Variants in HELB observed in about 807,000 individuals in gnomAD.
HELB encodes the protein DNA helicase B.
A neutral mutation model predicts 101.7 loss-of-function variants in HELB; 96 were observed. That is an observed-to-expected ratio of 0.94 (90% CI 0.80 to 1.12). The LOEUF is 1.12. Among genes scored for constraint, HELB ranks in the 50% most tolerant of loss-of-function variants. The pLI, the probability that HELB is intolerant of heterozygous loss-of-function variation, is 0.00. For missense variants in HELB, 1,210 were observed against 1,291.9 expected (o/e 0.94, Z 0.97); for synonymous variants, 437 against 459.7 (o/e 0.95, Z 0.63).
At position 66,323,998 on chromosome 12, in the gene HELB, A is replaced by G; in HGVS notation, c.2313A>G (p.Arg771=). The G allele has an allele frequency of 6.2e-7, 1 of 1,609,032 alleles. No individual in the cohort carries two copies. Among genetic ancestry groups the G allele is most frequent in the South Asian group, 1.1e-5 (1 of 90,976 alleles). The change falls in exon 10 of 13, where the codon AGA becomes AGG. Residue 771 remains arginine (R), a synonymous_variant. Coordinates refer to ENST00000247815, the MANE Select transcript of HELB (RefSeq NM_001370285.1). ...TGHLTKDHQS[R]LVFGIGDKIC... ...TCTATCCCAGAGACCATCAGAGTAG[A>G]CTTGTTTTTGGAATTGGTGATAAAA...
At chr12:66,337,741 G>C (rs933147834) in intron 12 of HELB, among the ~76,000 whole-genome samples, 4 of 152,074 alleles carry the variant, frequency 2.6e-5, no homozygotes, top group Admixed American at 2.6e-4. Flanking sequence ...TACACCTTTA[G>C]AAGTTAGACA....
At chr12:66,328,445 C>T (rs950725527) in intron 11 of HELB, among the ~76,000 whole-genome samples, 1 of 151,964 alleles carries the variant, frequency 6.6e-6, no homozygotes, top group Non-Finnish European at 1.5e-5. Context: ...CACCCATGGT[C>T]CCAGCTACTC....
Position 66,310,000 on chromosome 12 carries a change from C to G in HELB, c.1072C>G (p.His358Asp). Residue 358 changes from histidine (H) to aspartate (D), a missense_variant, in exon 4 of 13, where the codon CAT becomes GAT. By Grantham distance (81) the His-to-Asp change is moderately conservative. Coordinates refer to ENST00000247815, the MANE Select transcript of HELB (RefSeq NM_001370285.1). ...CTGTGTCTTCCCTTATGACCTTTAC[C>G]ATGCTGAAAGAGCCATCGCCTTTTC... is the stretch of plus-strand genomic sequence containing the variant. The part of the protein sequence containing the change: ...KSCVFPYDLY[H>D]AERAIAFSIC... 1 of 1,614,158 alleles carries G rather than the reference C, an allele frequency of 6.2e-7. No individual in the cohort carries two copies. The highest frequency in any genetic ancestry group is 1.1e-5 in the South Asian group (1 of 91,090).
chr12:66,330,848 T>G (rs979373616), intron 11 of HELB, among the ~76,000 whole-genome samples: 1 of 152,016 alleles, frequency 6.6e-6, no homozygotes, highest in African/African-American at 2.4e-5. Flanking sequence ...ACATGAAGCC[T>G]GTACCATCAT....
rs2053531775 is a variant in HELB, at chr12:66,310,559, C to G, written c.1631C>G (p.Ala544Gly). 5 of 1,614,150 alleles carry G rather than the reference C, an allele frequency of 3.1e-6. No homozygotes were observed. Among genetic ancestry groups the G allele is most frequent in the Non-Finnish European group, 4.2e-6 (5 of 1,180,002 alleles). The change falls in exon 4 of 13, where the codon GCT (alanine) becomes GGT (glycine). Residue 544 changes from alanine (A) to glycine (G), a missense_variant. Transcript: ENST00000247815. ...CTCACAGCACCTACAGGGAAAGCAG[C>G]TGGCTTACTAAGACAGAAAACTGGT... The part of the protein sequence containing the change: ...VLLTAPTGKA[A>G]GLLRQKTGLH...
chr12:66,321,663 C>G lies in HELB; in HGVS notation c.2156-285C>G, dbSNP rs2053672076. Reference sequence around the variant, plus strand: ...TTTCTTAAATTCAGTGTTCATAAACCATCAGCAAATACACAGTGAGTCTAT... The same window carrying G: ...TTTCTTAAATTCAGTGTTCATAAACGATCAGCAAATACACAGTGAGTCTAT... On this transcript the variant is annotated intron_variant, in intron 7 of 12. Coordinates refer to ENST00000247815, the MANE Select transcript of HELB (RefSeq NM_001370285.1). The G allele has an allele frequency of 1.3e-5, 4 of 312,908 alleles. No individual in the cohort carries two copies. The South Asian group carries it at 1.3e-4, about 10-fold the overall frequency. The allele number at this position is 312,908 out of a possible 1,614,324, so 19.4% of individuals were successfully genotyped here.
chr12:66,331,754 T>A, intron 12 of HELB, 109 bp downstream of exon 12: 2 of 1,064,686 alleles, frequency 1.9e-6, no homozygotes, highest in Non-Finnish European at 2.7e-6. Flanking sequence ...CTGTTGGACT[T>A]AAAAACAATT....
At chr12:66,323,146 GTGTC>G (rs1565641642) in intron 9 of HELB, among the ~76,000 whole-genome samples, 2 of 152,064 alleles carry the variant, frequency 1.3e-5, no homozygotes, top group South Asian at 2.1e-4. Context: ...AACTTAGTGA[GTGTC>G]TGTCTATCAG....
chr12:66,331,025 CACAT>C, intron 11 of HELB, 125 bp from the exon 12 acceptor site: 1 of 988,316 alleles, frequency 1.0e-6, no homozygotes, highest in Non-Finnish European at 1.5e-6. Context: ...ATAAAATGGA[CACAT>C]AATAATAGTC....
At position 66,306,369 on chromosome 12, in the gene HELB, C is replaced by T. The variant is rs1210705598; in HGVS notation, c.632C>T (p.Ala211Val). ...NTIPFRNVMT[A>V]LQFPKIMEFL... ...GTTCCATTTAGAAATGTAATGACAG[C>T]TTTGCAGTTTCCGAAGATAATGGAA... The change falls in exon 3 of 13, where the codon GCT (alanine) becomes GTT (valine). Residue 211 changes from alanine (A) to valine (V), a missense_variant. Ala to Val is a moderately conservative substitution (Grantham distance 64). Transcript: ENST00000247815. 6.3e-7 allele frequency: 1 copy of T among 1,597,178 alleles called. No individual in the cohort carries two copies. The highest frequency in any genetic ancestry group is 8.5e-7 in the Non-Finnish European group (1 of 1,172,974).
chr12:66,306,438 G>A lies in HELB; in HGVS notation c.701G>A (p.Gly234Glu). Reference protein sequence around the residue: ...LLPRHFKWIIGSGSKEMLKEI... With the variant: ...LLPRHFKWIIESGSKEMLKEI... ...CCTCGACACTTTAAATGGATCATAG[G>A]GTCAGGTTCTAAAGAGATGTTGAAA... The change falls in exon 3 of 13, where the codon GGG becomes GAG. Residue 234 changes from glycine (G) to glutamate (E), a missense_variant. Physicochemically the swap from Gly to Glu is moderately conservative, Grantham distance 98. Coordinates refer to ENST00000247815, the MANE Select transcript of HELB (RefSeq NM_001370285.1). The A allele has an allele frequency of 6.2e-7, 1 of 1,609,750 alleles. No homozygotes were observed. The highest frequency in any genetic ancestry group is 8.5e-7 in the Non-Finnish European group (1 of 1,177,968).
Position 66,302,687 on chromosome 12 carries a change from C to T in HELB, c.84C>T (p.Tyr28=). The T allele has an allele frequency of 1.2e-6, 2 of 1,614,132 alleles. No homozygotes were observed. Among genetic ancestry groups the T allele is most frequent in the Non-Finnish European group, 1.7e-6 (2 of 1,180,006 alleles). ...PRDLVEEDDD[Y]LNDDVEEDEE... The stretch of plus-strand genomic sequence containing the variant: ...ATCTGGTGGAGGAGGACGACGACTA[C>T]CTAAACGACGACGTGGAGGAGGATG... Residue 28 remains tyrosine, a synonymous_variant, in exon 1 of 13, where the codon TAC becomes TAT. Transcript: ENST00000247815.
intron 4 of HELB, 96 bp downstream of exon 4, chr12:66,310,704 G>A (rs1315676590): frequency 1.4e-5 from 15 of 1,104,830 alleles, no homozygotes; most frequent in East Asian, 4.7e-5. Flanking sequence ...AGACTGAGGC[G>A]GGCAGATCAC....
intron 11 of HELB, among the ~76,000 whole-genome samples, chr12:66,325,647 A>T (rs1006920842): frequency 6.6e-6 from 1 of 152,096 alleles, no homozygotes; most frequent in Non-Finnish European, 1.5e-5. Flanking sequence ...TATCACTCCT[A>T]TTCATGTAGA....
downstream of HELB, chr12:66,340,038 A>T (rs548544783): frequency 1.3e-5 from 2 of 152,184 alleles, no homozygotes; most frequent in Non-Finnish European, 2.9e-5. Flanking sequence ...TATTTGGGTT[A>T]TTTCCTAATT....
intron 12 of HELB, among the ~76,000 whole-genome samples, chr12:66,334,501 A>C (rs562821634): frequency 5.4e-5 from 8 of 148,702 alleles, no homozygotes; most frequent in African/African-American, 2.0e-4. Flanking sequence ...AAGGCTAGGC[A>C]CAGTGGCTCA....
intron 3 of HELB, among the ~76,000 whole-genome samples, chr12:66,309,268 C>A (rs1035964467): frequency 3.9e-5 from 6 of 152,056 alleles, no homozygotes; most frequent in African/African-American, 1.4e-4. Context: ...AATAGAGTGA[C>A]CTTCCATAGA....
At chr12:66,302,900 T>C in intron 1 of HELB, 110 bp downstream of exon 1, 3 of 924,100 alleles carry the variant, frequency 3.2e-6, no homozygotes, top group Non-Finnish European at 4.8e-6. Flanking sequence ...ATTTAGCTTA[T>C]CAGTGGTCTA....
At chr12:66,329,940 A>G (rs2053785570) in intron 11 of HELB, among the ~76,000 whole-genome samples, 1 of 152,210 alleles carries the variant, frequency 6.6e-6, no homozygotes, top group South Asian at 2.1e-4. Flanking sequence ...ACCCAGCAAC[A>G]TCGGAAAGAT....
Sources: allele counts gnomAD v4.1 joint callset (sites outside exome capture counted in the v4.1 genomes callset), GRCh38; gene constraint gnomAD v4.1.1; transcripts MANE v1.5; gene names NCBI Gene and HGNC (gene_info 2026-07-23, HGNC 2026-07-21).